The following SIRPG variants were observed in gnomAD, a reference collection of about 807,000 sequenced individuals.
SIRPG encodes the protein signal-regulatory protein gamma.
SIRPG carries 38 observed loss-of-function variants against 35.7 expected under a neutral mutation model. That is an observed-to-expected ratio of 1.06 (90% CI 0.82 to 1.40). SIRPG has a LOEUF of 1.40. Among genes scored for constraint, SIRPG ranks in the 40% most tolerant of loss-of-function variants. SIRPG has a pLI of 0.00. For missense variants in SIRPG, 519 were observed against 483.0 expected, an observed-to-expected ratio of 1.07 and a Z score of -0.70; for synonymous variants, 215 against 190.4, an observed-to-expected ratio of 1.13 and a Z score of -1.06.
At chr20:1,653,386 C>A (rs2091954509) in intron 1 of SIRPG, among the ~76,000 whole-genome samples, 1 of 152,146 alleles carries the variant, frequency 6.6e-6, no homozygotes. Context: ...ACAGTGTCTG[C>A]CACATGGTGA....
At chr20:1,647,855 A>G (rs982436523) in intron 2 of SIRPG, 1 of 152,178 alleles carries the variant, frequency 6.6e-6, no homozygotes, top group Non-Finnish European at 1.5e-5. Flanking sequence ...AATGGATGAA[A>G]AAAGAAATCC....
chr20:1,634,581 G>A (rs550365870), intron 4 of SIRPG, among the ~76,000 whole-genome samples: 7 of 152,196 alleles, frequency 4.6e-5, no homozygotes, highest in African/African-American at 1.4e-4. Flanking sequence ...GGTCATAAAT[G>A]AGGATGGAAA....
intron 1 of SIRPG, among the ~76,000 whole-genome samples, chr20:1,650,004 G>GTGTGTATATATATATATATATATA (rs774462534): frequency 1.0e-5 from 1 of 98,836 alleles, no homozygotes; most frequent in African/African-American, 3.9e-5. Flanking sequence ...TTTGAAGTGT[G>GTGTGTATATATATATATATATATA]TATATATATA....
the SIRPG span, among the ~76,000 whole-genome samples, chr20:1,664,428 G>A: frequency 3.9e-5 from 6 of 152,290 alleles, no homozygotes; most frequent in African/African-American, 1.4e-4. Flanking sequence ...GAATAAGTAC[G>A]GAAAAGCTGG....
the SIRPG span, among the ~76,000 whole-genome samples, chr20:1,664,270 T>C: frequency 6.6e-6 from 1 of 152,108 alleles, no homozygotes; most frequent in Non-Finnish European, 1.5e-5. Context: ...AGAGAACAAA[T>C]ATTCAAACTA....
intron 1 of SIRPG, among the ~76,000 whole-genome samples, chr20:1,653,422 C>T (rs1231297002): frequency 6.6e-6 from 1 of 152,162 alleles, no homozygotes; most frequent in African/African-American, 2.4e-5. Flanking sequence ...AAAGTTATTG[C>T]TCAGTAGATT....
chr20:1,648,951 G>C, intron 2 of SIRPG, 101 bp downstream of exon 2: 1 of 1,104,274 alleles, frequency 9.1e-7, no homozygotes, highest in South Asian at 1.4e-5. Flanking sequence ...TTGAAAATGA[G>C]CACTGAAAAT....
At chr20:1,655,633 G>T (rs1256117233) in intron 1 of SIRPG, among the ~76,000 whole-genome samples, 1 of 152,088 alleles carries the variant, frequency 6.6e-6, no homozygotes, top group Non-Finnish European at 1.5e-5. Flanking sequence ...TTAATAATAT[G>T]AATTGTATTC....
chr20:1,661,496 T>C (rs1296270305), upstream of SIRPG, among the ~76,000 whole-genome samples: 1 of 152,228 alleles, frequency 6.6e-6, no homozygotes, highest in Non-Finnish European at 1.5e-5. Flanking sequence ...TACACTCATG[T>C]AGAGCAGGCT....
At chr20:1,671,508 A>G in the SIRPG span, among the ~76,000 whole-genome samples, 1 of 152,096 alleles carries the variant, frequency 6.6e-6, no homozygotes, top group Non-Finnish European at 1.5e-5. Context: ...GAGTTCACCA[A>G]TCTCAGAGAG....
the SIRPG span, among the ~76,000 whole-genome samples, chr20:1,668,211 C>CTTTCTT: frequency 3.7e-5 from 1 of 27,298 alleles, no homozygotes; most frequent in African/African-American, 9.5e-5. Flanking sequence ...TTCTTTCTTT[C>CTTTCTT]TTTCTTTCTT....
intron 1 of SIRPG, among the ~76,000 whole-genome samples, chr20:1,649,855 A>G (rs574083331): frequency 6.6e-6 from 1 of 150,424 alleles, no homozygotes; most frequent in East Asian, 2.0e-4. Flanking sequence ...GGTTGCCCTT[A>G]CTTGAGTGCA....
chr20:1,680,292 C>T, the SIRPG span, among the ~76,000 whole-genome samples: 11 of 152,196 alleles, frequency 7.2e-5, no homozygotes, highest in African/African-American at 2.7e-4. Flanking sequence ...CTCTTGGCCT[C>T]ATCCTATATT....
chr20:1,676,755 TC>T, the SIRPG span: 1 of 208,636 alleles, frequency 4.8e-6, no homozygotes, highest in South Asian at 8.4e-5. Flanking sequence ...CGTGGCCTGG[TC>T]CAGCTCCTCT....
chr20:1,640,164 T>C (rs1273655208), intron 2 of SIRPG, among the ~76,000 whole-genome samples: 1 of 152,196 alleles, frequency 6.6e-6, no homozygotes, highest in Non-Finnish European at 1.5e-5. Flanking sequence ...GTGAAGAATG[T>C]CAATGGTAAT....
intron 4 of SIRPG, among the ~76,000 whole-genome samples, chr20:1,633,243 A>C (rs1342998849): frequency 6.6e-6 from 1 of 152,190 alleles, no homozygotes; most frequent in Non-Finnish European, 1.5e-5. Flanking sequence ...GAGGAAATTG[A>C]ATTTATACTT....
Position 1,629,302 on chromosome 20 carries a change from T to C in SIRPG, c.*337A>G, listed in dbSNP as rs1053572021. On this transcript the variant is annotated 3_prime_UTR_variant, in exon 6 of 6. Coordinates refer to ENST00000303415, the MANE Select transcript of SIRPG (RefSeq NM_018556.4). ...TTGAGAACCTGGAGAGCGTCTGTGGTTTACGGTCAGTCTCAAGGCGATGGA... is the reference window on the plus strand; with the variant it reads ...TTGAGAACCTGGAGAGCGTCTGTGGCTTACGGTCAGTCTCAAGGCGATGGA... 1.3e-5 allele frequency: 2 copies of C among 152,140 alleles called. No homozygotes were observed. The highest frequency in any genetic ancestry group is 1.3e-4 in the Admixed American group (2 of 15,278). 9.4% of individuals were successfully genotyped at this position (152,140 alleles called of 1,614,324 possible). A position where few individuals can be genotyped will look rare whatever the true frequency, so the allele number is the denominator to read the frequency against.
upstream of SIRPG, among the ~76,000 whole-genome samples, chr20:1,659,601 C>T (rs1409108254): frequency 6.6e-6 from 1 of 152,216 alleles, no homozygotes; most frequent in Non-Finnish European, 1.5e-5. Flanking sequence ...ATGAGGTAAG[C>T]TCAACCATTA....
chr20:1,679,765 G>A, the SIRPG span, among the ~76,000 whole-genome samples: 1 of 152,104 alleles, frequency 6.6e-6, no homozygotes, highest in Non-Finnish European at 1.5e-5. Flanking sequence ...TTCTAAACTA[G>A]GGTGGAAAGT....
Sources: gnomAD v4.1 joint callset for allele counts (sites outside exome capture counted in the v4.1 genomes callset) on GRCh38, gnomAD v4.1.1 for gene constraint, MANE v1.5 for transcripts, NCBI Gene and HGNC (gene_info 2026-07-23, HGNC 2026-07-21) for gene names.